Variants in ZNF718 observed in about 807,000 individuals in gnomAD.
The protein encoded by ZNF718 is zinc finger protein 718.
ZNF718 carries 3 observed loss-of-function variants against 2.6 expected under a neutral mutation model. The ratio of observed to expected loss-of-function variants is 1.16; its 90% confidence interval spans 0.53 to 3.01. ZNF718 has a LOEUF of 3.01. Ranked by LOEUF, ZNF718 falls within the 30% of genes most tolerant of loss-of-function variation. ZNF718 has a pLI of 0.03. For missense variants in ZNF718, 468 were observed against 230.0 expected (o/e 2.03, Z -6.69); for synonymous variants, 135 against 77.9 (o/e 1.73, Z -3.86).
At chr4:148,922 G>A (rs1471830671) in intron 3 of ZNF718, among the ~76,000 whole-genome samples, 1 of 152,138 alleles carries the variant, frequency 6.6e-6, no homozygotes, top group Non-Finnish European at 1.5e-5. Context: ...ATTTCATTCG[G>A]TAGCTGGGAC....
At chr4:125,449 G>T (rs1458038696) in intron 1 of ZNF718, among the ~76,000 whole-genome samples, 4 of 152,208 alleles carry the variant, frequency 2.6e-5, no homozygotes, top group Admixed American at 6.5e-5. Context: ...TGTGGGGTCA[G>T]CGCTGACTCT....
At chr4:195,338 C>A (rs1433293307) in intron 3 of ZNF718, among the ~76,000 whole-genome samples, 1 of 152,154 alleles carries the variant, frequency 6.6e-6, no homozygotes, top group African/African-American at 2.4e-5. Flanking sequence ...TAAGAGACTC[C>A]CTGTCAATTA....
At chr4:193,672 G>A (rs1031469226) in intron 3 of ZNF718, among the ~76,000 whole-genome samples, 1 of 152,118 alleles carries the variant, frequency 6.6e-6, no homozygotes, top group Non-Finnish European at 1.5e-5. Flanking sequence ...CGGGAGAGGA[G>A]AGTAAGACTG....
At chr4:149,793 C>G (rs1241561340) in intron 3 of ZNF718, 2 of 152,034 alleles carry the variant, frequency 1.3e-5, no homozygotes, top group African/African-American at 4.8e-5. Flanking sequence ...TGTCTTATTA[C>G]ATATTATTCT....
intron 3 of ZNF718, among the ~76,000 whole-genome samples, chr4:139,655 A>G (rs1715724847): frequency 1.3e-5 from 2 of 152,152 alleles, no homozygotes; most frequent in Admixed American, 1.3e-4. Flanking sequence ...CGTTTTGTCC[A>G]ATTCTTTGTT....
At chr4:169,263 A>G (rs1717167257) in intron 3 of ZNF718, among the ~76,000 whole-genome samples, 1 of 152,200 alleles carries the variant, frequency 6.6e-6, no homozygotes, top group South Asian at 2.1e-4. Flanking sequence ...GGAGTGCTTT[A>G]CTTCCAACTA....
chr4:156,695 G>A (rs1265222465), intron 3 of ZNF718, among the ~76,000 whole-genome samples: 1 of 152,122 alleles, frequency 6.6e-6, no homozygotes, highest in Non-Finnish European at 1.5e-5. Flanking sequence ...GATAGCTTAT[G>A]TAAGTTGATT....
chr4:200,186 T>C (rs1553822556), intron 3 of ZNF718, among the ~76,000 whole-genome samples: 1 of 152,224 alleles, frequency 6.6e-6, no homozygotes, highest in Non-Finnish European at 1.5e-5. Flanking sequence ...GGCAAAATAT[T>C]GAACATCAGA....
intron 3 of ZNF718, among the ~76,000 whole-genome samples, chr4:200,042 A>G (rs1717867989): frequency 6.6e-6 from 1 of 152,248 alleles, no homozygotes; most frequent in Non-Finnish European, 1.5e-5. Context: ...CAGTATGACT[A>G]GTCAAATGGC....
chr4:125,759 C>G (rs538319915), intron 1 of ZNF718, among the ~76,000 whole-genome samples: 144 of 152,306 alleles, frequency 9.5e-4, no homozygotes, highest in African/African-American at 3.4e-3. Context: ...AATGCTAACC[C>G]ACTCCTGAGC....
chr4:174,548 A>G (rs1485700650), intron 3 of ZNF718, among the ~76,000 whole-genome samples: 1 of 152,122 alleles, frequency 6.6e-6, no homozygotes, highest in African/African-American at 2.4e-5. Flanking sequence ...TCGTGTCTGT[A>G]ATAATCCTGG....
Position 160,987 on chromosome 4 carries a change from A to G in ZNF718, c.302A>G (p.Lys101Arg). 2 of 781,056 alleles carry G rather than the reference A, an allele frequency of 2.6e-6. No individual in the cohort carries two copies. The highest frequency in any genetic ancestry group is 4.8e-6 in the Non-Finnish European group (2 of 418,114). The allele number at this position is 781,056 out of a possible 1,614,324, so 48.4% of individuals were successfully genotyped here. The stretch of plus-strand genomic sequence containing the variant: ...GATTCATTCCACAAACTTATACCAA[A>G]AGGACATGAGAAACGTGGACATGAG... Reference protein sequence around the residue: ...IEDSFHKLIPKGHEKRGHENL... With the variant: ...IEDSFHKLIPRGHEKRGHENL... The change falls in exon 4 of 4, where the codon AAA becomes AGA. Residue 101 changes from lysine (K) to arginine (R), a missense_variant. Transcript: ENST00000510175.
chr4:129,377 C>T (rs1348986483), intron 1 of ZNF718, among the ~76,000 whole-genome samples: 1 of 103,318 alleles, frequency 9.7e-6, no homozygotes, highest in African/African-American at 3.4e-5. Flanking sequence ...CACCTTCTGT[C>T]CCAGTTCTGC....
intron 3 of ZNF718, chr4:136,496 G>C: frequency 1.9e-6 from 1 of 524,140 alleles, no homozygotes; most frequent in Non-Finnish European, 3.8e-6. Context: ...ACCAAGCTTA[G>C]TGTGCCATGT....
intron 3 of ZNF718, among the ~76,000 whole-genome samples, chr4:149,236 G>T (rs782094690): frequency 1.3e-5 from 2 of 152,140 alleles, no homozygotes; most frequent in Non-Finnish European, 2.9e-5. Flanking sequence ...ATAAGTACAT[G>T]TATTGACATG....
chr4:162,379 A>G lies in ZNF718; in HGVS notation c.*257A>G. The G allele has an allele frequency of 2.9e-6, 1 of 346,814 alleles. No individual in the cohort carries two copies. The highest frequency in any genetic ancestry group is 4.5e-5 in the East Asian group (1 of 22,108). The allele number at this position is 346,814 out of a possible 1,614,324, so 21.5% of individuals were successfully genotyped here. ...CCCCTAGGAATATTAAAAGTGTGGC[A>G]AAACCTTTAACCAATGCTCATATCT... is the stretch of plus-strand genomic sequence containing the variant. On this transcript the variant is annotated 3_prime_UTR_variant, in exon 4 of 4. Coordinates refer to ENST00000510175, the MANE Select transcript of ZNF718 (RefSeq NM_001039127.6).
At chr4:155,994 T>C (rs1400407330) in intron 3 of ZNF718, among the ~76,000 whole-genome samples, 1 of 152,200 alleles carries the variant, frequency 6.6e-6, no homozygotes, top group East Asian at 1.9e-4. Context: ...ATGGTTTTTA[T>C]AAGAGGTTTC....
At chr4:165,458 A>G (rs983582561), downstream of ZNF718, among the ~76,000 whole-genome samples, 3 of 152,208 alleles carry the variant, frequency 2.0e-5, no homozygotes, top group Non-Finnish European at 2.9e-5. Flanking sequence ...CATCATATGA[A>G]GAAACTCATC....
chr4:149,266 T>G (rs1414226133), intron 3 of ZNF718, among the ~76,000 whole-genome samples: 1 of 152,192 alleles, frequency 6.6e-6, no homozygotes, highest in African/African-American at 2.4e-5. Flanking sequence ...CATTAGAGCA[T>G]TTTATTAATT....
Sources: allele counts gnomAD v4.1 joint callset (sites outside exome capture counted in the v4.1 genomes callset), GRCh38; gene constraint gnomAD v4.1.1; transcripts MANE v1.5; gene names NCBI Gene and HGNC (gene_info 2026-07-23, HGNC 2026-07-21).